Variants in CNTNAP2 observed in about 807,000 individuals in gnomAD.
The protein encoded by CNTNAP2 is contactin associated protein 2.
CNTNAP2 carries 98 observed loss-of-function variants against 155.2 expected under a neutral mutation model. The ratio of observed to expected loss-of-function variants is 0.63; its 90% CI spans 0.54 to 0.75. CNTNAP2 has a LOEUF of 0.75. Among genes scored for constraint, CNTNAP2 ranks in the 30% least tolerant of loss-of-function variants. The pLI, the probability that CNTNAP2 is intolerant of heterozygous loss-of-function variation, is 0.00. For missense variants in CNTNAP2, 1,727 were observed against 1,688.1 expected (o/e 1.02, Z -0.40); for synonymous variants, 651 against 631.2 (o/e 1.03, Z -0.47).
At chr7:148,237,064 T>C (rs1176678887) in intron 20 of CNTNAP2, among the ~76,000 whole-genome samples, 1 of 152,204 alleles carries the variant, frequency 6.6e-6, no homozygotes, top group Non-Finnish European at 1.5e-5. Flanking sequence ...TCTTCCTCTG[T>C]CTTTCAAGTC....
intron 1 of CNTNAP2, among the ~76,000 whole-genome samples, chr7:146,610,997 C>T (rs1231489617): frequency 1.3e-5 from 2 of 152,134 alleles, no homozygotes; most frequent in African/African-American, 4.8e-5. Context: ...GCTAAAAGAG[C>T]ATCAGAAATG....
intron 8 of CNTNAP2, among the ~76,000 whole-genome samples, chr7:147,141,849 G>A (rs971262218): frequency 6.6e-6 from 1 of 151,976 alleles, no homozygotes; most frequent in Non-Finnish European, 1.5e-5. Context: ...TTCTAATTCT[G>A]TCTCCCATAT....
At chr7:148,152,004 C>T (rs968371061) in intron 17 of CNTNAP2, among the ~76,000 whole-genome samples, 11 of 152,196 alleles carry the variant, frequency 7.2e-5, no homozygotes, top group Admixed American at 5.9e-4. Flanking sequence ...GAAGGAAGGG[C>T]TTTCATACAA....
intron 1 of CNTNAP2, among the ~76,000 whole-genome samples, chr7:146,611,993 C>T (rs2129154212): frequency 6.6e-6 from 1 of 152,190 alleles, no homozygotes; most frequent in East Asian, 1.9e-4. Flanking sequence ...CCTTGTCCAT[C>T]GATGAGTCAA....
chr7:146,794,166 A>G (rs1802726295), intron 2 of CNTNAP2, among the ~76,000 whole-genome samples: 1 of 152,196 alleles, frequency 6.6e-6, no homozygotes, highest in African/African-American at 2.4e-5. Flanking sequence ...AGTCTGTTTC[A>G]TGGGCTTAGC....
At position 148,290,462 on chromosome 7, in the gene CNTNAP2, A is replaced by G. The variant is rs149029263; in HGVS notation, c.3475+23336A>G. Among the ~76,000 whole-genome samples, 84 of 152,312 alleles carry G rather than the reference A, an allele frequency of 5.5e-4. No homozygotes were observed. In the East Asian group the frequency reaches 0.016, roughly 29 times the overall value. On this transcript the variant is annotated intron_variant, in intron 21 of 23. Coordinates refer to ENST00000361727, the MANE Select transcript of CNTNAP2 (RefSeq NM_014141.6). ...GTAAATCTGGAAAACATTTTTTATCATTTTGAAAGCTGCCTTTGTTTTGAT... is the reference window on the plus strand; with the variant it reads ...GTAAATCTGGAAAACATTTTTTATCGTTTTGAAAGCTGCCTTTGTTTTGAT...
At chr7:147,379,929 A>T (rs9648846) in intron 9 of CNTNAP2, among the ~76,000 whole-genome samples, 1 of 151,816 alleles carries the variant, frequency 6.6e-6, no homozygotes, top group African/African-American at 2.4e-5. Context: ...TTTTTTCTTG[A>T]TACCCAAAAG....
At chr7:147,604,147 C>T (rs543926507) in intron 12 of CNTNAP2, among the ~76,000 whole-genome samples, 6 of 152,100 alleles carry the variant, frequency 3.9e-5, no homozygotes, top group African/African-American at 1.4e-4. Flanking sequence ...CATTACCATT[C>T]AGGACATAGG....
At chr7:147,483,946 G>T (rs1293030766) in intron 10 of CNTNAP2, among the ~76,000 whole-genome samples, 1 of 152,160 alleles carries the variant, frequency 6.6e-6, no homozygotes, top group Non-Finnish European at 1.5e-5. Flanking sequence ...TGCTAGGAAT[G>T]ATTTTCAACA....
At chr7:146,908,723 A>C (rs1796203168) in intron 3 of CNTNAP2, among the ~76,000 whole-genome samples, 1 of 138,466 alleles carries the variant, frequency 7.2e-6, no homozygotes, top group South Asian at 2.4e-4. Flanking sequence ...TTGACACCCT[A>C]ACATCACAGT....
chr7:147,823,282 T>C (rs550302002), intron 13 of CNTNAP2, among the ~76,000 whole-genome samples: 1 of 152,292 alleles, frequency 6.6e-6, no homozygotes, highest in South Asian at 2.1e-4. Flanking sequence ...TGCTAAAAGC[T>C]ATTAGTGCCA....
intron 4 of CNTNAP2, among the ~76,000 whole-genome samples, chr7:147,046,811 C>G (rs180902276): frequency 6.6e-6 from 1 of 151,934 alleles, no homozygotes; most frequent in Non-Finnish European, 1.5e-5. Context: ...GGGCGGATCA[C>G]GAGGTCAGGA....
At chr7:147,167,439 G>C in intron 8 of CNTNAP2, 3 of 1,343,394 alleles carry the variant, frequency 2.2e-6, no homozygotes, top group Non-Finnish European at 3.1e-6. Flanking sequence ...GCTCATTGGA[G>C]ACCCTAACTT....
rs1801038142 is a variant in CNTNAP2 at position 147,118,639 on chromosome 7, G to A, written c.755-2340G>A. On this transcript the variant is annotated intron_variant, in intron 5 of 23. Coordinates refer to ENST00000361727, the MANE Select transcript of CNTNAP2 (RefSeq NM_014141.6). ...AATTGTATAGCCTATTACACACCTA[G>A]GCTATATGGTAGAGCTTATTGCTCC... Among the ~76,000 whole-genome samples, 4 of 151,998 alleles carry A rather than the reference G, an allele frequency of 2.6e-5. No individual in the cohort carries two copies. The South Asian group carries it at 8.3e-4, about 32-fold the overall frequency.
intron 13 of CNTNAP2, among the ~76,000 whole-genome samples, chr7:147,899,567 T>A (rs1464847403): frequency 6.6e-6 from 1 of 152,142 alleles, no homozygotes; most frequent in Non-Finnish European, 1.5e-5. Flanking sequence ...CATTCTCATA[T>A]GCTAAAGTCA....
intron 5 of CNTNAP2, among the ~76,000 whole-genome samples, chr7:147,116,119 G>C (rs1800983797): frequency 6.6e-6 from 1 of 152,120 alleles, no homozygotes; most frequent in Non-Finnish European, 1.5e-5. Flanking sequence ...AGTTGCCTCT[G>C]TTTTTCCTGT....
intron 3 of CNTNAP2, among the ~76,000 whole-genome samples, chr7:146,940,889 G>A (rs1797042530): frequency 6.6e-6 from 1 of 151,836 alleles, no homozygotes; most frequent in African/African-American, 2.4e-5. Flanking sequence ...TGCTAAATGG[G>A]CCACTTTCTA....
chr7:146,643,305 A>C (rs1015320537), intron 1 of CNTNAP2, among the ~76,000 whole-genome samples: 110 of 152,102 alleles, frequency 7.2e-4, no homozygotes, highest in African/African-American at 2.6e-3. Context: ...CTAACGTTTA[A>C]GTCTTGAATC....
At chr7:146,768,231 T>C (rs375561175) in intron 1 of CNTNAP2, among the ~76,000 whole-genome samples, 51 of 151,890 alleles carry the variant, frequency 3.4e-4, no homozygotes, top group African/African-American at 1.2e-3. Context: ...TTGTTCCTTA[T>C]GACTAAAACT....
Sources: allele counts gnomAD v4.1 joint callset (sites outside exome capture counted in the v4.1 genomes callset), GRCh38; gene constraint gnomAD v4.1.1; transcripts MANE v1.5; gene names NCBI Gene and HGNC (gene_info 2026-07-23, HGNC 2026-07-21).